The following LARS2 variants were observed in gnomAD, a reference collection of about 807,000 sequenced individuals.
LARS2 encodes the protein leucine--tRNA ligase, mitochondrial.
LARS2 carries 81 observed loss-of-function variants against 116.6 expected under a neutral mutation model. That is an observed-to-expected ratio of 0.69 (90% CI 0.58 to 0.84). The LOEUF (loss-of-function observed/expected upper bound fraction) is 0.84. Among genes scored for constraint, LARS2 ranks in the 40% least tolerant of loss-of-function variants. LARS2 has a pLI of 0.00. For missense variants in LARS2, 968 were observed against 1,114.5 expected, an observed-to-expected ratio of 0.87 and a Z score of 1.87; for synonymous variants, 396 against 407.2, an observed-to-expected ratio of 0.97 and a Z score of 0.33.
At chr3:45,402,662 C>T (rs536633361) in intron 4 of LARS2, among the ~76,000 whole-genome samples, 16 of 152,314 alleles carry the variant, frequency 1.1e-4, no homozygotes, top group African/African-American at 3.8e-4. Context: ...ATGTCTTTGT[C>T]ACTTGAAGAG....
At chr3:45,447,324 C>T (rs1427888505) in intron 7 of LARS2, among the ~76,000 whole-genome samples, 3 of 152,128 alleles carry the variant, frequency 2.0e-5, no homozygotes, top group Non-Finnish European at 2.9e-5. Flanking sequence ...TTTGTATCTG[C>T]TAAATGGGAA....
intron 8 of LARS2, among the ~76,000 whole-genome samples, chr3:45,467,244 A>G (rs373975148): frequency 3.9e-5 from 6 of 152,324 alleles, no homozygotes; most frequent in African/African-American, 1.4e-4. Flanking sequence ...GGCTGCTGCT[A>G]TGAAGGAAGC....
chr3:45,495,022 C>G (rs552641077), intron 13 of LARS2, among the ~76,000 whole-genome samples: 5 of 152,244 alleles, frequency 3.3e-5, no homozygotes, highest in African/African-American at 9.6e-5. Context: ...GAGCTGAGAT[C>G]GAGCCACTGC....
Position 45,416,569 on chromosome 3 carries a change from C to G in LARS2, c.364-913C>G, listed in dbSNP as rs554365145. Among the ~76,000 whole-genome samples the G allele has an allele frequency of 4.6e-5, 7 of 152,354 alleles. No homozygotes were observed. The South Asian group carries it at 1.2e-3, about 27-fold the overall frequency. On this transcript the variant is annotated intron_variant, in intron 4 of 21. Coordinates refer to ENST00000645846, the MANE Select transcript of LARS2 (RefSeq NM_015340.4). ...GTCATTATGCATGTGTTCTGCAGCACTGTCCAGTGCGGCTTTCTGCCATGA... is the reference window on the plus strand; with the variant it reads ...GTCATTATGCATGTGTTCTGCAGCAGTGTCCAGTGCGGCTTTCTGCCATGA...
rs760015172 is a variant in LARS2 at position 45,400,276 on chromosome 3, T to G, written c.266T>G (p.Met89Arg). The G allele has an allele frequency of 6.2e-7, 1 of 1,613,618 alleles. No individual in the cohort carries two copies. The highest frequency in any genetic ancestry group is 8.5e-7 in the Non-Finnish European group (1 of 1,179,804). The stretch of plus-strand genomic sequence containing the variant: ...AAGCCAAAATTTTACGTGCTTTCCA[T>G]GTTCCCTTATCCTTCTGGTAAGCTG... ...KSKPKFYVLS[M>R]FPYPSGKLHM... is the part of the protein sequence containing the mutation. The change falls in exon 4 of 22, where the codon ATG becomes AGG. Residue 89 changes from methionine (M) to arginine (R), a missense_variant. Physicochemically the swap from Met to Arg is moderately conservative, Grantham distance 91 (BLOSUM62 -1). Coordinates refer to ENST00000645846, the MANE Select transcript of LARS2 (RefSeq NM_015340.4).
At position 45,505,799 on chromosome 3, in the gene LARS2, A is replaced by G. The variant is rs576836516; in HGVS notation, c.1760+5220A>G. 2.9e-3 allele frequency among the ~76,000 whole-genome samples: 439 copies of G among 152,210 alleles called. 3 individuals are homozygous for G. The highest frequency in any genetic ancestry group is 1.0e-2 in the African/African-American group (414 of 41,578). On this transcript the variant is annotated intron_variant, in intron 15 of 21. Transcript: ENST00000645846. ...AGAGCATATTTCTGCCAGTTTCTGA[A>G]TGATTTTTTATGGAAGTATTCAATC... is the stretch of plus-strand genomic sequence containing the variant.
At chr3:45,520,950 G>A (rs908963761) in intron 19 of LARS2, among the ~76,000 whole-genome samples, 14 of 152,190 alleles carry the variant, frequency 9.2e-5, no homozygotes, top group African/African-American at 3.4e-4. Context: ...CGCTTTGGAA[G>A]ACCAAGCTGA....
rs924237129 is a variant in LARS2 at position 45,458,660 on chromosome 3, C to G, written c.607-83C>G. ...CGAGATCACGCCACTGCACTCTAGC[C>G]CGGGCGACAGTGCGACACTCCCTGT... On this transcript the variant is annotated intron_variant, in intron 7 of 21. Transcript: ENST00000645846. The G allele has an allele frequency of 4.3e-5, 61 of 1,429,274 alleles. No individual in the cohort carries two copies. In the African/African-American group the frequency reaches 7.5e-4, roughly 18 times the overall value. The allele number at this position is 1,429,274 out of a possible 1,614,324, so 88.5% of individuals were successfully genotyped here.
intron 20 of LARS2, among the ~76,000 whole-genome samples, chr3:45,539,492 G>C (rs182542883): frequency 6.6e-6 from 1 of 152,004 alleles, no homozygotes; most frequent in African/African-American, 2.4e-5. Flanking sequence ...TTAGCCAGGC[G>C]TGGTGGTGCA....
At chr3:45,403,148 A>T (rs1698182333) in intron 4 of LARS2, among the ~76,000 whole-genome samples, 1 of 151,254 alleles carries the variant, frequency 6.6e-6, no homozygotes, top group African/African-American at 2.4e-5. Flanking sequence ...TGTGGGACAG[A>T]ATGAATTGGC....
intron 21 of LARS2, among the ~76,000 whole-genome samples, chr3:45,542,617 G>A (rs530012646): frequency 5.1e-4 from 78 of 152,192 alleles, no homozygotes; most frequent in East Asian, 3.9e-4. Flanking sequence ...ATGTCTCCCC[G>A]GAACCACACA....
At chr3:45,501,959 G>A (rs1479668364) in intron 15 of LARS2, among the ~76,000 whole-genome samples, 1 of 151,798 alleles carries the variant, frequency 6.6e-6, no homozygotes, top group Admixed American at 6.6e-5. Context: ...ATTTTTGCAG[G>A]TACATAGTAG....
At chr3:45,517,874 T>C in intron 17 of LARS2, 29 bp from the exon 18 acceptor site, 1 of 1,594,454 alleles carries the variant, frequency 6.3e-7, no homozygotes, top group Non-Finnish European at 8.6e-7. Context: ...GCACGCTCTC[T>C]CTTTCTCATT....
chr3:45,525,583 G>C (rs532852093), intron 20 of LARS2, among the ~76,000 whole-genome samples: 1 of 152,322 alleles, frequency 6.6e-6, no homozygotes, highest in Non-Finnish European at 1.5e-5. Flanking sequence ...GCAGGAAAGA[G>C]ATGTGGTGTA....
intron 16 of LARS2, among the ~76,000 whole-genome samples, chr3:45,514,597 T>C (rs371576015): frequency 1.2e-4 from 18 of 152,326 alleles, no homozygotes; most frequent in African/African-American, 4.3e-4. Flanking sequence ...GCTGCCCATG[T>C]ATAGCTGTGC....
At chr3:45,488,558 T>C in intron 11 of LARS2, 139 bp from the exon 12 acceptor site, 1 of 630,768 alleles carries the variant, frequency 1.6e-6, no homozygotes, top group South Asian at 2.0e-5. Flanking sequence ...TCCCAACTAA[T>C]GTGATGTGGT....
At chr3:45,399,994 A>G (rs1441619305) in intron 3 of LARS2, among the ~76,000 whole-genome samples, 1 of 151,460 alleles carries the variant, frequency 6.6e-6, no homozygotes, top group Non-Finnish European at 1.5e-5. Context: ...TTAAAAGAGA[A>G]AAAAAAAAGA....
chr3:45,394,309 G>GA (rs1240102096), intron 2 of LARS2, 124 bp from the exon 3 acceptor site: 1 of 611,044 alleles, frequency 1.6e-6, no homozygotes, highest in African/African-American at 1.9e-5. Context: ...TCTTTTCAGG[G>GA]AAAGAAATTA....
intron 11 of LARS2, 131 bp from the exon 12 acceptor site, chr3:45,488,566 G>A (rs1699855238): frequency 1.6e-6 from 1 of 641,448 alleles, no homozygotes; most frequent in Non-Finnish European, 2.8e-6. Flanking sequence ...AATGTGATGT[G>A]GTTTTAAAAC....
Sources: gnomAD v4.1 joint callset for allele counts (sites outside exome capture counted in the v4.1 genomes callset) on GRCh38, gnomAD v4.1.1 for gene constraint, MANE v1.5 for transcripts, NCBI Gene and HGNC (gene_info 2026-07-23, HGNC 2026-07-21) for gene names.